The following AFF3 variants were observed in gnomAD, a reference collection of about 807,000 sequenced individuals.
AFF3 encodes AF4/FMR2 family member 3.
In AFF3, 32 loss-of-function variants were observed where a neutral mutation model predicts 129.7. That is an observed-to-expected ratio of 0.25 (90% CI 0.19 to 0.33). The LOEUF (loss-of-function observed/expected upper bound fraction) is 0.33. Ranked by LOEUF, AFF3 falls within the 10% of genes least tolerant of loss-of-function variation. AFF3 has a pLI of 1.00. For synonymous variants in AFF3, 644 were observed against 635.4 expected (o/e 1.01, Z -0.20); for missense variants, 1,373 against 1,592.0 (o/e 0.86, Z 2.34).
At chr2:100,142,271 T>C (rs1327701097) in intron 1 of AFF3, among the ~76,000 whole-genome samples, 2 of 151,748 alleles carry the variant, frequency 1.3e-5, no homozygotes, top group African/African-American at 4.8e-5. Flanking sequence ...CCAACTTTGG[T>C]CACATCCCAT....
chr2:99,766,953 G>A lies in AFF3; in HGVS notation c.922-14652C>T, dbSNP rs142440554. ...GGTTCTTAGTACTCAAGGGCGAATA[G>A]GCAATCTACAAATTTCAGACCAATG... is the stretch of plus-strand genomic sequence containing the variant. On this transcript the variant is annotated intron_variant, in intron 8 of 24. Coordinates refer to ENST00000672756, the MANE Select transcript of AFF3 (RefSeq NM_001386135.1). Among the ~76,000 whole-genome samples the A allele has an allele frequency of 6.7e-3, 1,018 of 152,354 alleles. 8 individuals are homozygous for A. The highest frequency in any genetic ancestry group is 9.8e-3 in the Non-Finnish European group (667 of 68,040).
chr2:100,003,315 CGT>C (rs1224345319), intron 7 of AFF3, among the ~76,000 whole-genome samples: 1 of 152,048 alleles, frequency 6.6e-6, no homozygotes, highest in Non-Finnish European at 1.5e-5. Flanking sequence ...TATTAATTTG[CGT>C]GTGTGTGTGA....
intron 7 of AFF3, among the ~76,000 whole-genome samples, chr2:99,878,632 T>G (rs574903681): frequency 1.3e-5 from 2 of 152,282 alleles, no homozygotes; most frequent in Middle Eastern, 6.8e-3. Flanking sequence ...ATTCATAAAA[T>G]AAAAACATAG....
At chr2:100,055,914 G>A (rs1208609677) in intron 4 of AFF3, among the ~76,000 whole-genome samples, 2 of 152,042 alleles carry the variant, frequency 1.3e-5, no homozygotes, top group African/African-American at 4.8e-5. Context: ...GCTCACACCT[G>A]TAATCCCAGA....
At chr2:99,648,917 A>ACACACACACACTCT in intron 13 of AFF3, among the ~76,000 whole-genome samples, 46 of 46,920 alleles carry the variant, frequency 9.8e-4, no homozygotes, top group African/African-American at 2.8e-3. Context: ...ACACACACAC[A>ACACACACACACTCT]CTCTCTCTCT....
At chr2:99,950,235 G>A (rs1005702653) in intron 7 of AFF3, among the ~76,000 whole-genome samples, 2 of 152,162 alleles carry the variant, frequency 1.3e-5, no homozygotes, top group African/African-American at 4.8e-5. Context: ...TAACATAATA[G>A]TAAGCTTAAA....
intron 8 of AFF3, among the ~76,000 whole-genome samples, chr2:99,755,495 G>A (rs1387561948): frequency 6.6e-6 from 1 of 152,054 alleles, no homozygotes; most frequent in African/African-American, 2.4e-5. Context: ...TCGAACTTCC[G>A]ACCTCAGGTG....
intron 17 of AFF3, among the ~76,000 whole-genome samples, chr2:99,581,853 G>GTTT (rs1197222142): frequency 6.6e-5 from 8 of 121,560 alleles, no homozygotes; most frequent in African/African-American, 1.6e-4. Context: ...AGGTGTTGGA[G>GTTT]TTTTTTTTTT....
At chr2:99,605,406 C>G (rs1487653497) in intron 13 of AFF3, among the ~76,000 whole-genome samples, 1 of 152,210 alleles carries the variant, frequency 6.6e-6, no homozygotes, top group Non-Finnish European at 1.5e-5. Context: ...TGGGGGCAGA[C>G]TTTCCTGGAA....
chr2:100,041,035 T>A (rs1685383395), intron 4 of AFF3, among the ~76,000 whole-genome samples: 1 of 152,200 alleles, frequency 6.6e-6, no homozygotes, highest in Non-Finnish European at 1.5e-5. Context: ...TGTGCACAAA[T>A]GAATAACCTC....
chr2:99,829,428 A>T (rs1688349029), intron 8 of AFF3, among the ~76,000 whole-genome samples: 1 of 152,202 alleles, frequency 6.6e-6, no homozygotes, highest in African/African-American at 2.4e-5. Context: ...AGGAACTGAA[A>T]CGTATTTACA....
intron 7 of AFF3, among the ~76,000 whole-genome samples, chr2:99,936,521 C>T (rs376159772): frequency 6.6e-6 from 1 of 152,114 alleles, no homozygotes; most frequent in African/African-American, 2.4e-5. Context: ...CTGACAAGGA[C>T]GGGAGGAAAT....
chr2:99,772,273 G>A lies in AFF3; in HGVS notation c.922-19972C>T, dbSNP rs1414069004. Among the ~76,000 whole-genome samples, 3 of 152,216 alleles carry A rather than the reference G, an allele frequency of 2.0e-5. 1 individual carries two copies. Among genetic ancestry groups the A allele is most frequent in the South Asian group, 4.1e-4 (2 of 4,830 alleles). On this transcript the variant is annotated intron_variant, in intron 8 of 24. Transcript: ENST00000672756. ...TGGGGAGCTTTGTTCTGACCAGGCCGTGTGCTTGGTCTGTGGGGCCTCTGG... is the reference window on the plus strand; with the variant it reads ...TGGGGAGCTTTGTTCTGACCAGGCCATGTGCTTGGTCTGTGGGGCCTCTGG...
At chr2:99,841,292 A>T (rs17023186) in intron 7 of AFF3, among the ~76,000 whole-genome samples, 25,382 of 152,220 alleles carry the variant, frequency 0.17, 2,254 homozygotes, top group Admixed American at 0.24. Context: ...TAGATGCCCT[A>T]TTAGATACTT....
intron 12 of AFF3, among the ~76,000 whole-genome samples, chr2:99,668,616 G>A (rs1387567381): frequency 6.6e-6 from 1 of 151,930 alleles, no homozygotes; most frequent in East Asian, 1.9e-4. Flanking sequence ...AGGCTGGAGT[G>A]TAGTGGCACA....
chr2:99,705,806 G>A (rs182168659), intron 11 of AFF3, among the ~76,000 whole-genome samples: 4 of 149,618 alleles, frequency 2.7e-5, no homozygotes, highest in South Asian at 2.1e-4. Flanking sequence ...CCCAGGAGGC[G>A]GAGGTTGCAG....
intron 22 of AFF3, among the ~76,000 whole-genome samples, chr2:99,556,494 C>T (rs992615245): frequency 6.6e-6 from 1 of 152,132 alleles, no homozygotes; most frequent in East Asian, 1.9e-4. Flanking sequence ...TACCACTAAG[C>T]CCCATGCCCA....
intron 11 of AFF3, among the ~76,000 whole-genome samples, chr2:99,681,718 C>T (rs1323905282): frequency 6.6e-6 from 1 of 152,168 alleles, no homozygotes; most frequent in Non-Finnish European, 1.5e-5. Flanking sequence ...ACATCTCGTT[C>T]CTTGATCTTG....
intron 7 of AFF3, among the ~76,000 whole-genome samples, chr2:99,949,411 G>C (rs917139361): frequency 6.6e-6 from 1 of 152,026 alleles, no homozygotes; most frequent in Non-Finnish European, 1.5e-5. Context: ...GAGAGCAGGG[G>C]GGAGGATGGT....
Sources: allele counts gnomAD v4.1 joint callset (sites outside exome capture counted in the v4.1 genomes callset), GRCh38; gene constraint gnomAD v4.1.1; transcripts MANE v1.5; gene names NCBI Gene and HGNC (gene_info 2026-07-23, HGNC 2026-07-21).